Variants in RNF38 observed in about 807,000 individuals in gnomAD.
RNF38 encodes E3 ubiquitin-protein ligase RNF38.
Under a neutral mutation model 67.2 loss-of-function variants are expected in RNF38, and 15 were observed. The ratio of observed to expected loss-of-function variants is 0.22; its 90% CI spans 0.15 to 0.34. RNF38 has a LOEUF of 0.34. Ranked by LOEUF, RNF38 falls within the 10% of genes least tolerant of loss-of-function variation. RNF38 has a pLI of 1.00. For missense variants in RNF38, 524 were observed against 639.9 expected, an observed-to-expected ratio of 0.82 and a Z score of 1.95; for synonymous variants, 220 against 218.8, an observed-to-expected ratio of 1.01 and a Z score of -0.05.
chr9:36,467,249 A>G (rs1271661450), intron 1 of RNF38, among the ~76,000 whole-genome samples: 1 of 102,928 alleles, frequency 9.7e-6, no homozygotes, highest in Non-Finnish European at 2.1e-5. Flanking sequence ...ATATATACAC[A>G]CACACACACA....
chr9:36,420,541 A>AAAAAAAAAAAAAAAAAAAAAAAC (rs1838597508), intron 2 of RNF38, among the ~76,000 whole-genome samples: 1 of 150,170 alleles, frequency 6.7e-6, no homozygotes, highest in East Asian at 1.9e-4. Flanking sequence ...CCAAAAAAAA[A>AAAAAAAAAAAAAAAAAAAAAAAC]AAAAAAGAGG....
intron 8 of RNF38, among the ~76,000 whole-genome samples, chr9:36,352,053 A>G (rs887159417): frequency 6.6e-6 from 1 of 152,188 alleles, no homozygotes; most frequent in African/African-American, 2.4e-5. Context: ...TAATCCCAGC[A>G]CTTTGGGAGG....
chr9:36,379,315 T>C (rs1836027991), intron 2 of RNF38, among the ~76,000 whole-genome samples: 1 of 152,218 alleles, frequency 6.6e-6, no homozygotes, highest in Non-Finnish European at 1.5e-5. Context: ...TTATCAATTT[T>C]AGTACTCTAA....
intron 1 of RNF38, among the ~76,000 whole-genome samples, chr9:36,446,839 A>T (rs34047629): frequency 7.0e-6 from 1 of 142,636 alleles, no homozygotes; most frequent in Non-Finnish European, 1.5e-5. Flanking sequence ...AAAAAAAAAA[A>T]GTCAGGCATG....
At chr9:36,457,478 T>C (rs942905730) in intron 1 of RNF38, among the ~76,000 whole-genome samples, 2 of 152,244 alleles carry the variant, frequency 1.3e-5, no homozygotes, top group African/African-American at 4.8e-5. Context: ...AAGTCTGCGA[T>C]GGGCACAGAC....
intron 6 of RNF38, among the ~76,000 whole-genome samples, chr9:36,354,827 CA>C (rs1355491061): frequency 2.0e-5 from 3 of 152,170 alleles, no homozygotes; most frequent in Non-Finnish European, 2.9e-5. Context: ...TACAGAATAG[CA>C]ACATGTTATT....
intron 1 of RNF38, among the ~76,000 whole-genome samples, chr9:36,481,185 T>C (rs559943152): frequency 6.6e-6 from 1 of 152,154 alleles, no homozygotes; most frequent in Admixed American, 6.5e-5. Context: ...CAGCTAATTT[T>C]TGTATTTTTA....
chr9:36,416,954 G>C (rs141163713), intron 2 of RNF38, among the ~76,000 whole-genome samples: 6 of 151,948 alleles, frequency 3.9e-5, no homozygotes, highest in Non-Finnish European at 8.8e-5. Context: ...ATTTCGCCAC[G>C]TTAGCCAGGC....
chr9:36,409,358 A>G (rs1838266003), intron 2 of RNF38, among the ~76,000 whole-genome samples: 1 of 152,088 alleles, frequency 6.6e-6, no homozygotes, highest in African/African-American at 2.4e-5. Context: ...AAAAAGAAAG[A>G]AGGCAGGCGG....
At chr9:36,362,011 G>C (rs1834575397) in intron 4 of RNF38, among the ~76,000 whole-genome samples, 1 of 152,152 alleles carries the variant, frequency 6.6e-6, no homozygotes. Flanking sequence ...ATTGCGAGAA[G>C]CATCCATCCC....
chr9:36,376,050 G>C lies in RNF38; in HGVS notation c.240C>G (p.Pro80=). The C allele has an allele frequency of 1.2e-6, 2 of 1,613,416 alleles. No homozygotes were observed. The highest frequency in any genetic ancestry group is 1.7e-6 in the Non-Finnish European group (2 of 1,179,776). The change falls in exon 3 of 12, where the codon CCC becomes CCG. Residue 80 remains proline, a synonymous_variant. Transcript: ENST00000259605. Reference sequence around the variant, plus strand: ...TCTCCCATGGTCGCATTGGTGGTGAGGGAGCTGGTGATGCTGATGTATAAT... The same window carrying C: ...TCTCCCATGGTCGCATTGGTGGTGACGGAGCTGGTGATGCTGATGTATAAT... The part of the protein sequence containing the change: ...VFDYTSASPA[P]SPPMRPWEMT...
chr9:36,365,207 G>A (rs1834850123), intron 4 of RNF38, among the ~76,000 whole-genome samples: 1 of 131,364 alleles, frequency 7.6e-6, no homozygotes, highest in Non-Finnish European at 1.6e-5. Flanking sequence ...TCTATTATGT[G>A]CCGCTTTTAA....
intron 1 of RNF38, among the ~76,000 whole-genome samples, chr9:36,468,951 A>T (rs904947184): frequency 1.3e-5 from 2 of 152,012 alleles, no homozygotes; most frequent in South Asian, 4.2e-4. Flanking sequence ...GTCTCTATTA[A>T]AAATACAAAA....
chr9:36,441,439 G>A (rs1366608821), intron 1 of RNF38, among the ~76,000 whole-genome samples: 2 of 151,510 alleles, frequency 1.3e-5, no homozygotes, highest in Non-Finnish European at 2.9e-5. Context: ...CGATTCTCCT[G>A]CCTCAGCCTC....
intron 6 of RNF38, among the ~76,000 whole-genome samples, chr9:36,354,622 G>A (rs531220507): frequency 3.7e-4 from 57 of 152,248 alleles, no homozygotes; most frequent in African/African-American, 1.3e-3. Flanking sequence ...TTTTATGAGT[G>A]AGTATTACAT....
chr9:36,370,106 G>A (rs1295427344), intron 3 of RNF38, among the ~76,000 whole-genome samples, 174 bp from the exon 4 acceptor site: 1 of 152,102 alleles, frequency 6.6e-6, no homozygotes, highest in Admixed American at 6.5e-5. Context: ...CAAGGTATAT[G>A]TTTTATACAA....
intron 6 of RNF38, among the ~76,000 whole-genome samples, chr9:36,354,144 C>T (rs1463201250): frequency 6.6e-6 from 1 of 152,138 alleles, no homozygotes; most frequent in Non-Finnish European, 1.5e-5. Context: ...AAACTGTATA[C>T]CCATTATCAG....
chr9:36,454,512 G>A (rs1261519571), intron 1 of RNF38, among the ~76,000 whole-genome samples: 2 of 149,270 alleles, frequency 1.3e-5, no homozygotes, highest in African/African-American at 4.9e-5. Context: ...CAAATATTAT[G>A]TTAGGTGTTT....
chr9:36,376,191 T>C, intron 2 of RNF38, 64 bp from the exon 3 acceptor site: 3 of 1,229,810 alleles, frequency 2.4e-6, no homozygotes, highest in Non-Finnish European at 3.4e-6. Flanking sequence ...TTACTGCATA[T>C]GCACAGGTGT....
Sources: allele counts gnomAD v4.1 joint callset (sites outside exome capture counted in the v4.1 genomes callset), GRCh38; gene constraint gnomAD v4.1.1; transcripts MANE v1.5; gene names NCBI Gene and HGNC (gene_info 2026-07-23, HGNC 2026-07-21).